C1QA: variants seen among roughly 807,000 people sequenced by gnomAD.
The protein encoded by C1QA is complement C1q subcomponent subunit A.
A neutral mutation model predicts 6.9 loss-of-function variants in C1QA; 3 were observed. The ratio of observed to expected loss-of-function variants is 0.44; its 90% CI spans 0.20 to 1.12. The LOEUF is 1.12. C1QA is among the 50% of genes most tolerant of loss of function. The probability of loss-of-function intolerance (pLI) is 0.27; values close to 1 mark genes in which losing one functional copy is unlikely to be tolerated. For synonymous variants in C1QA, 128 were observed against 134.1 expected (o/e 0.95, Z 0.31); for missense variants, 273 against 326.6 (o/e 0.84, Z 1.26).
chr1:22,638,435 C>T (rs1160640211), intron 2 of C1QA, among the ~76,000 whole-genome samples: 1 of 152,180 alleles, frequency 6.6e-6, no homozygotes, highest in Non-Finnish European at 1.5e-5. Flanking sequence ...TAGTCCAAAG[C>T]AGACCAGAAG....
At chr1:22,638,404 A>G (rs1008245346) in intron 2 of C1QA, among the ~76,000 whole-genome samples, 4 of 152,190 alleles carry the variant, frequency 2.6e-5, no homozygotes, top group African/African-American at 9.6e-5. Context: ...AGGGAGTCTC[A>G]TGGAATCACC....
At position 22,639,046 on chromosome 1, in the gene C1QA, T is replaced by TG; in HGVS notation, c.383dup (p.Asn129GlnfsTer63). 3 of 1,614,070 alleles carry TG rather than the reference T, an allele frequency of 1.9e-6. No individual in the cohort carries two copies. Among genetic ancestry groups the TG allele is most frequent in the Non-Finnish European group, 2.5e-6 (3 of 1,180,002 alleles). On this transcript the variant is annotated frameshift_variant, in exon 3 of 3. Transcript: ENST00000374642. LOFTEE classifies it low-confidence loss of function (END_TRUNC). The surrounding 1 kb of genome is among the most constrained non-coding windows in gnomAD (Gnocchi z 4.6). ...TCCGCCATTCGGCGGAACCCCCCAA[T>TG]GGGGGGCAACGTGGTCATCTTCGAC...
At chr1:22,638,184 C>G (rs957185434) in intron 2 of C1QA, among the ~76,000 whole-genome samples, 4 of 152,188 alleles carry the variant, frequency 2.6e-5, no homozygotes, top group Non-Finnish European at 5.9e-5. Flanking sequence ...CTCTCTGAGC[C>G]TAAGTGGGCT....
In C1QA at chr1:22,639,275, A is replaced by C; in HGVS notation, c.606A>C (p.Ser202=). The change falls in exon 3 of 3, where the codon TCA becomes TCC. Residue 202 remains serine (S), a synonymous_variant. Transcript: ENST00000374642. This position sits in a 1 kb window ranked among gnomAD's most constrained non-coding sequence, Gnocchi z 4.6. ...TTNKGLFQVV[S]GGMVLQLQQG... ...ACAAGGGGCTCTTCCAGGTGGTGTC[A>C]GGGGGCATGGTGCTTCAGCTGCAGC... The C allele has an allele frequency of 1.2e-6, 2 of 1,614,120 alleles. No homozygotes were observed. The highest frequency in any genetic ancestry group is 1.7e-6 in the Non-Finnish European group (2 of 1,179,984).
Position 22,639,380 on chromosome 1 carries a change from C to T in C1QA, c.711C>T (p.Ser237=). The T allele has an allele frequency of 1.2e-6, 2 of 1,613,826 alleles. No individual in the cohort carries two copies. Among genetic ancestry groups the T allele is most frequent in the Non-Finnish European group, 8.5e-7 (1 of 1,180,024 alleles). Reference sequence around the variant, plus strand: ...GCTCTGAGGCCGACAGCGTCTTCAGCGGCTTCCTCATCTTCCCATCTGCCT... The same window carrying T: ...GCTCTGAGGCCGACAGCGTCTTCAGTGGCTTCCTCATCTTCCCATCTGCCT... ...YQGSEADSVF[S]GFLIFPSA The change falls in exon 3 of 3, where the codon AGC becomes AGT. Residue 237 remains serine, a synonymous_variant. Transcript: ENST00000374642. This position sits in a 1 kb window ranked among gnomAD's most constrained non-coding sequence, Gnocchi z 4.6.
chr1:22,638,773 T>G (rs1219942962), intron 2 of C1QA, 60 bp from the exon 3 acceptor site: 1 of 1,527,870 alleles, frequency 6.5e-7, no homozygotes, highest in East Asian at 2.4e-5. Flanking sequence ...GGTCCAGCTC[T>G]CTCCCTGAGG....
intron 2 of C1QA, among the ~76,000 whole-genome samples, chr1:22,638,295 T>C (rs1642212148): frequency 6.6e-6 from 1 of 152,110 alleles, no homozygotes; most frequent in African/African-American, 2.4e-5. Context: ...ACACTGTCCC[T>C]GCTTCCCCCT....
chr1:22,636,557 G>A (rs12058824), upstream of C1QA: 9,328 of 152,498 alleles, frequency 0.061, 405 homozygotes, highest in South Asian at 0.13. Context: ...TGGCCACTGG[G>A]GAAGTTCAGG....
Position 22,639,284 on chromosome 1 carries a change from G to C in C1QA, c.615G>C (p.Met205Ile). 1 of 1,614,106 alleles carries C rather than the reference G, an allele frequency of 6.2e-7. No homozygotes were observed. The highest frequency in any genetic ancestry group is 8.5e-7 in the Non-Finnish European group (1 of 1,179,980). ...KGLFQVVSGG[M>I]VLQLQQGDQV... ...TCTTCCAGGTGGTGTCAGGGGGCAT[G>C]GTGCTTCAGCTGCAGCAGGGTGACC... The change falls in exon 3 of 3, where the codon ATG (methionine) becomes ATC (isoleucine). Residue 205 changes from methionine (M) to isoleucine (I), a missense_variant. By Grantham distance (10) the Met-to-Ile change is conservative. Coordinates refer to ENST00000374642, the MANE Select transcript of C1QA (RefSeq NM_015991.4). This position sits in a 1 kb window ranked among gnomAD's most constrained non-coding sequence, Gnocchi z 4.6.
At chr1:22,638,777 C>A in intron 2 of C1QA, 56 bp from the exon 3 acceptor site, 1 of 1,540,150 alleles carries the variant, frequency 6.5e-7, no homozygotes, top group South Asian at 1.2e-5. Flanking sequence ...CAGCTCTCTC[C>A]CTGAGGACCA....
At position 22,637,572 on chromosome 1, in the gene C1QA, G is replaced by A. The variant is rs58701628; in HGVS notation, c.-7-38G>A. ...AAGGGTGGGAGCTGGGTGTGAGTGT[G>A]ATGTCCAACCTGCCCAGGCCCTCCC... is the stretch of plus-strand genomic sequence containing the variant. On this transcript the variant is annotated intron_variant, in intron 1 of 2. Transcript: ENST00000374642. This position sits in a 1 kb window ranked among gnomAD's most constrained non-coding sequence, Gnocchi z 4.4. The A allele has an allele frequency of 2.3e-3, 3,671 of 1,610,870 alleles. 59 individuals are homozygous for A. In the African/African-American group the frequency reaches 0.037, roughly 16 times the overall value.
At chr1:22,638,421 C>G (rs1181250073) in intron 2 of C1QA, among the ~76,000 whole-genome samples, 1 of 152,172 alleles carries the variant, frequency 6.6e-6, no homozygotes, top group Non-Finnish European at 1.5e-5. Context: ...CACCCTGGGC[C>G]TCCTAGTCCA....
intron 2 of C1QA, 93 bp from the exon 3 acceptor site, chr1:22,638,740 C>A: frequency 7.1e-7 from 1 of 1,409,248 alleles, no homozygotes. Flanking sequence ...TGCTTCATTG[C>A]CCTTTATCCC....
Position 22,637,890 on chromosome 1 carries a change from C to T in C1QA, c.163+111C>T, listed in dbSNP as rs935761271. The T allele has an allele frequency of 7.5e-7, 1 of 1,336,534 alleles. No homozygotes were observed. The highest frequency in any genetic ancestry group is 2.4e-5 in the Admixed American group (1 of 41,600). 82.8% of individuals were successfully genotyped at this position (1,336,534 alleles called of 1,614,324 possible). ...CAGGAGTCCGTCTGCCCCCAGTGCC[C>T]CATGAATCCTCTCCAGTTTGTACTT... On this transcript the variant is annotated intron_variant, in intron 2 of 2. Transcript: ENST00000374642. The surrounding 1 kb of genome is among the most constrained non-coding windows in gnomAD (Gnocchi z 4.4).
At position 22,638,864 on chromosome 1, in the gene C1QA, C is replaced by G. The variant is rs761744728; in HGVS notation, c.195C>G (p.Gly65=). The G allele has an allele frequency of 3.1e-6, 5 of 1,593,278 alleles. No homozygotes were observed. The highest frequency in any genetic ancestry group is 4.3e-6 in the Non-Finnish European group (5 of 1,170,588). Residue 65 remains glycine (G), a synonymous_variant, in exon 3 of 3, where the codon GGC becomes GGG. Transcript: ENST00000374642. ...CTGGCATCCGGACAGGCATCCAAGGCCTTAAAGGAGACCAGGGGGAACCTG... is the reference window on the plus strand; with the variant it reads ...CTGGCATCCGGACAGGCATCCAAGGGCTTAAAGGAGACCAGGGGGAACCTG... The part of the protein sequence containing the change: ...GAPGIRTGIQ[G]LKGDQGEPGP...
chr1:22,638,827 C>A lies in C1QA; in HGVS notation c.164-6C>A. ...CTCACTTCCAATCTGGCATTTCTCC[C>A]CACAGGGGCCCCTGGCATCCGGACA... On this transcript the variant is annotated splice_polypyrimidine_tract_variant and splice_region_variant and intron_variant, in intron 2 of 2. Transcript: ENST00000374642. The A allele has an allele frequency of 6.4e-7, 1 of 1,573,282 alleles. No individual in the cohort carries two copies. The highest frequency in any genetic ancestry group is 1.2e-5 in the South Asian group (1 of 85,604).
rs2148290824 is a variant in C1QA, at chr1:22,638,931, A to T, written c.262A>T (p.Ser88Cys). 1 of 1,597,726 alleles carries T rather than the reference A, an allele frequency of 6.3e-7. No homozygotes were observed. Among genetic ancestry groups the T allele is most frequent in the Non-Finnish European group, 8.5e-7 (1 of 1,172,580 alleles). ...NPGKVGYPGPSGPLGARGIPG... is the reference protein window; with the variant it reads ...NPGKVGYPGPCGPLGARGIPG... ...CGGCAAGGTGGGCTACCCAGGGCCCAGCGGCCCCCTCGGAGCCCGTGGCAT... is the reference window on the plus strand; with the variant it reads ...CGGCAAGGTGGGCTACCCAGGGCCCTGCGGCCCCCTCGGAGCCCGTGGCAT... Residue 88 changes from serine (S) to cysteine (C), a missense_variant, in exon 3 of 3, where the codon AGC becomes TGC. Ser to Cys is a moderately radical substitution (Grantham distance 112). Coordinates refer to ENST00000374642, the MANE Select transcript of C1QA (RefSeq NM_015991.4).
chr1:22,637,027 G>C lies in C1QA; in HGVS notation c.-8+325G>C, dbSNP rs1642191602. ...GTGCTAGAGCTGGCAGTGGGACCCA[G>C]CAGAGGGGACTGTAGGGGCAGCCAG... is the stretch of plus-strand genomic sequence containing the variant. On this transcript the variant is annotated intron_variant, in intron 1 of 2. Coordinates refer to ENST00000374642, the MANE Select transcript of C1QA (RefSeq NM_015991.4). This position sits in a 1 kb window ranked among gnomAD's most constrained non-coding sequence, Gnocchi z 4.4. Among the ~76,000 whole-genome samples, 1 of 152,192 alleles carries C rather than the reference G, an allele frequency of 6.6e-6. No homozygotes were observed. The highest frequency in any genetic ancestry group is 1.5e-5 in the Non-Finnish European group (1 of 68,032).
In C1QA at chr1:22,637,722, G is replaced by A; in HGVS notation, c.106G>A (p.Ala36Thr). ...CRAPDGKKGE[A>T]GRPGRRGRPG... ...AGCACCAGACGGGAAGAAAGGGGAG[G>A]CAGGAAGACCTGGCAGACGGGGGCG... Residue 36 changes from alanine (A) to threonine (T), a missense_variant, in exon 2 of 3, where the codon GCA becomes ACA. Physicochemically the swap from Ala to Thr is moderately conservative, Grantham distance 58 (BLOSUM62 0). Transcript: ENST00000374642. The surrounding 1 kb of genome is among the most constrained non-coding windows in gnomAD (Gnocchi z 4.4). The A allele has an allele frequency of 6.2e-7, 1 of 1,612,806 alleles. No homozygotes were observed. The highest frequency in any genetic ancestry group is 8.5e-7 in the Non-Finnish European group (1 of 1,179,620).
Sources: gnomAD v4.1 joint callset for allele counts (sites outside exome capture counted in the v4.1 genomes callset) on GRCh38, gnomAD v4.1.1 for gene constraint, Gnocchi (gnomAD v3.1) non-coding constraint, MANE v1.5 for transcripts, NCBI Gene and HGNC (gene_info 2026-07-23, HGNC 2026-07-21) for gene names.